TFDP2: variants seen among roughly 807,000 people sequenced by gnomAD.
The protein encoded by TFDP2 is transcription factor Dp-2 (E2F dimerization partner 2).
TFDP2 carries 17 observed loss-of-function variants against 59.3 expected under a neutral mutation model. That is an observed-to-expected ratio of 0.29 (90% CI 0.20 to 0.43). The LOEUF is 0.43. TFDP2 is among the 20% of genes least tolerant of loss of function. TFDP2 has a pLI of 1.00. For missense variants in TFDP2, 391 were observed against 528.8 expected (o/e 0.74, Z 2.56); for synonymous variants, 180 against 194.7 (o/e 0.92, Z 0.63).
At chr3:142,140,822 G>T (rs2089761) in intron 1 of TFDP2, among the ~76,000 whole-genome samples, 1 of 152,206 alleles carries the variant, frequency 6.6e-6, no homozygotes, top group South Asian at 2.1e-4. Context: ...GTGTCTCCCA[G>T]TTAGGCTACA....
intron 3 of TFDP2, among the ~76,000 whole-genome samples, chr3:142,030,171 GCATA>G (rs958483210): frequency 3.7e-4 from 57 of 152,244 alleles, no homozygotes; most frequent in African/African-American, 1.3e-3. Flanking sequence ...ATACTTACAT[GCATA>G]CAGAGATATG....
chr3:142,076,547 T>C (rs1236401844), intron 3 of TFDP2, among the ~76,000 whole-genome samples: 2 of 152,212 alleles, frequency 1.3e-5, no homozygotes, highest in Non-Finnish European at 2.9e-5. Flanking sequence ...AATAATGTGA[T>C]AGTGGTTTCA....
chr3:142,023,999 C>T (rs1945874423), intron 3 of TFDP2, among the ~76,000 whole-genome samples: 2 of 151,958 alleles, frequency 1.3e-5, no homozygotes, highest in African/African-American at 4.8e-5. Context: ...CAGGATTTTG[C>T]CATGTGCCCA....
chr3:142,097,313 A>T (rs1179685511), intron 2 of TFDP2, among the ~76,000 whole-genome samples: 1 of 152,204 alleles, frequency 6.6e-6, no homozygotes, highest in Non-Finnish European at 1.5e-5. Context: ...AACAGACAAA[A>T]TGTTCCAAAA....
intron 1 of TFDP2, among the ~76,000 whole-genome samples, chr3:142,141,209 G>A (rs2108751749): frequency 6.6e-6 from 1 of 152,338 alleles, no homozygotes; most frequent in Non-Finnish European, 1.5e-5. Flanking sequence ...TCTGCCAGTT[G>A]CTAAGACCAT....
intron 3 of TFDP2, among the ~76,000 whole-genome samples, chr3:142,089,031 G>A (rs963956229): frequency 2.0e-5 from 3 of 152,036 alleles, no homozygotes; most frequent in African/African-American, 7.3e-5. Flanking sequence ...GTTTCACCAT[G>A]TTGGTAAGGC....
chr3:142,140,103 T>C (rs1481062576), intron 1 of TFDP2, among the ~76,000 whole-genome samples: 2 of 152,218 alleles, frequency 1.3e-5, no homozygotes, highest in Non-Finnish European at 2.9e-5. Context: ...CTTCTCGCTT[T>C]ATTTCATTAA....
chr3:141,977,864 C>T (rs982098796), intron 7 of TFDP2, among the ~76,000 whole-genome samples: 1 of 151,706 alleles, frequency 6.6e-6, no homozygotes, highest in African/African-American at 2.4e-5. Context: ...GCACATGCCA[C>T]CATGCCTGGC....
chr3:142,044,811 T>C (rs2108465028), intron 3 of TFDP2, among the ~76,000 whole-genome samples: 1 of 152,302 alleles, frequency 6.6e-6, no homozygotes, highest in African/African-American at 2.4e-5. Context: ...CTCCTTCTTA[T>C]TAGTTATACA....
chr3:142,088,538 C>T (rs949634574), intron 3 of TFDP2, among the ~76,000 whole-genome samples: 6 of 151,524 alleles, frequency 4.0e-5, no homozygotes, highest in Admixed American at 1.3e-4. Flanking sequence ...ATCATGCTGC[C>T]TAGGCTGGGG....
chr3:141,992,036 C>A (rs1360182850), intron 6 of TFDP2, among the ~76,000 whole-genome samples: 2 of 103,184 alleles, frequency 1.9e-5, no homozygotes, highest in Non-Finnish European at 1.9e-5. Flanking sequence ...AGGAAGACTC[C>A]ATCTCAAAAA....
chr3:141,971,619 A>G (rs1032904976), intron 8 of TFDP2, among the ~76,000 whole-genome samples: 1 of 152,098 alleles, frequency 6.6e-6, no homozygotes, highest in Non-Finnish European at 1.5e-5. Flanking sequence ...AGCTCAACAG[A>G]CCAAACAAAA....
chr3:141,944,902 A>G lies in TFDP2; in HGVS notation c.*7611T>C, dbSNP rs1159363543. On this transcript the variant is annotated 3_prime_UTR_variant, in exon 13 of 13. Coordinates refer to ENST00000489671, the MANE Select transcript of TFDP2 (RefSeq NM_001178139.2). ...ATATCATATTAGGTTGTGTACTTCA[A>G]TCTAATAAAGGAAAGTCTACATTGG... The G allele has an allele frequency of 1.3e-5, 2 of 152,246 alleles. No individual in the cohort carries two copies. The highest frequency in any genetic ancestry group is 2.4e-5 in the African/African-American group (1 of 41,474). The allele number at this position is 152,246 out of a possible 1,614,324, so 9.4% of individuals were successfully genotyped here.
chr3:142,033,978 T>C (rs1215689130), intron 3 of TFDP2, among the ~76,000 whole-genome samples: 2 of 152,188 alleles, frequency 1.3e-5, no homozygotes, highest in African/African-American at 2.4e-5. Context: ...ATGCAGAGAT[T>C]GTTCCCTTCT....
rs374558125 is a variant in TFDP2 at position 142,020,654 on chromosome 3, A to G, written c.83-15110T>C. 1.5e-4 allele frequency among the ~76,000 whole-genome samples: 23 copies of G among 151,578 alleles called. No homozygotes were observed. The East Asian group carries it at 1.9e-3, about 13-fold the overall frequency. On this transcript the variant is annotated intron_variant, in intron 3 of 12. Coordinates refer to ENST00000489671, the MANE Select transcript of TFDP2 (RefSeq NM_001178139.2). ...TCTGACTTCCTTCATTTTTATGTTTAAATATACTCATATACCTTTTTCTTT... is the reference window on the plus strand; with the variant it reads ...TCTGACTTCCTTCATTTTTATGTTTGAATATACTCATATACCTTTTTCTTT...
chr3:142,047,900 C>A (rs1947425012), intron 3 of TFDP2, among the ~76,000 whole-genome samples: 1 of 151,950 alleles, frequency 6.6e-6, no homozygotes, highest in South Asian at 2.1e-4. Flanking sequence ...TGTCACCACA[C>A]CCAGCTAATT....
At chr3:141,995,660 G>A (rs1943197799) in intron 4 of TFDP2, among the ~76,000 whole-genome samples, 1 of 151,994 alleles carries the variant, frequency 6.6e-6, no homozygotes, top group Non-Finnish European at 1.5e-5. Flanking sequence ...GAGGTGGGAG[G>A]ATCACCTGAG....
intron 1 of TFDP2, among the ~76,000 whole-genome samples, chr3:142,141,009 T>A (rs2062933260): frequency 2.6e-5 from 4 of 152,238 alleles, no homozygotes; most frequent in Admixed American, 2.6e-4. Context: ...CTTGCTGAGC[T>A]GAGGTAGGCT....
intron 9 of TFDP2, among the ~76,000 whole-genome samples, chr3:141,968,519 C>CT (rs1374645738): frequency 1.0e-5 from 1 of 98,974 alleles, no homozygotes; most frequent in African/African-American, 5.3e-5. Context: ...ATATATATCT[C>CT]ATATATATAG....
Sources: gnomAD v4.1 joint callset for allele counts (sites outside exome capture counted in the v4.1 genomes callset) on GRCh38, gnomAD v4.1.1 for gene constraint, MANE v1.5 for transcripts, NCBI Gene and HGNC (gene_info 2026-07-23, HGNC 2026-07-21) for gene names.